CNNM1: variants seen among roughly 807,000 people sequenced by gnomAD.
CNNM1 encodes the protein cyclin and CBS domain divalent metal cation transport mediator 1.
A neutral mutation model predicts 78.8 loss-of-function variants in CNNM1; 44 were observed. The ratio of observed to expected loss-of-function variants is 0.56; its 90% CI spans 0.44 to 0.72. The LOEUF (loss-of-function observed/expected upper bound fraction) is 0.72. Among genes scored for constraint, CNNM1 ranks in the 30% least tolerant of loss-of-function variants. The pLI is 0.00. For missense variants in CNNM1, 1,101 were observed against 1,292.2 expected (o/e 0.85, Z 2.27); for synonymous variants, 584 against 581.5 (o/e 1.00, Z -0.06).
chr10:99,356,065 TCA>T lies in CNNM1; in HGVS notation c.1574-1444_1574-1443del, dbSNP rs1362137178. ...TAAAACAACAACTATTTTATTATGCTCACAGATTCTGTGAGTCAGGAATTCAA... is the reference window on the plus strand; with the variant it reads ...TAAAACAACAACTATTTTATTATGCTCAGATTCTGTGAGTCAGGAATTCAA... On this transcript the variant is annotated intron_variant, in intron 1 of 10. Coordinates refer to ENST00000356713, the MANE Select transcript of CNNM1 (RefSeq NM_020348.3). Among the ~76,000 whole-genome samples, 16 of 152,236 alleles carry T rather than the reference TCA, an allele frequency of 1.1e-4. No homozygotes were observed. The South Asian group carries it at 3.1e-3, about 30-fold the overall frequency.
At chr10:99,356,558 C>CAGAAAGAAAGAAAGAAAGAA (rs1355245134) in intron 1 of CNNM1, among the ~76,000 whole-genome samples, 15 of 45,800 alleles carry the variant, frequency 3.3e-4, no homozygotes, top group Non-Finnish European at 9.2e-4. Flanking sequence ...GACAGACAGA[C>CAGAAAGAAAGAAAGAAAGAA]AGACAGAAAG....
At chr10:99,356,264 T>G (rs1215865421) in intron 1 of CNNM1, among the ~76,000 whole-genome samples, 1 of 151,874 alleles carries the variant, frequency 6.6e-6, no homozygotes, top group African/African-American at 2.4e-5. Flanking sequence ...GACCATGAGG[T>G]CAAGAGATCG....
intron 1 of CNNM1, among the ~76,000 whole-genome samples, chr10:99,333,533 CAG>C (rs2030028020): frequency 6.6e-6 from 1 of 152,104 alleles, no homozygotes; most frequent in African/African-American, 2.4e-5. Context: ...TTAGTAGAGA[CAG>C]GGTTTCACCA....
chr10:99,371,894 C>G lies in CNNM1; in HGVS notation c.2177-5161C>G. On this transcript the variant is annotated intron_variant, in intron 6 of 10. Coordinates refer to ENST00000356713, the MANE Select transcript of CNNM1 (RefSeq NM_020348.3). ...TGGAGAACAGAGATGGCCCACGGCA[C>G]AATCACAGTCAGACCAAAGTAGGCC... Among the ~76,000 whole-genome samples, 2 of 152,154 alleles carry G rather than the reference C, an allele frequency of 1.3e-5. 1 individual carries two copies. The highest frequency in any genetic ancestry group is 1.3e-4 in the Admixed American group (2 of 15,276).
chr10:99,380,224 C>T (rs1447917823), intron 7 of CNNM1, among the ~76,000 whole-genome samples: 3 of 152,084 alleles, frequency 2.0e-5, no homozygotes, highest in Admixed American at 1.3e-4. Flanking sequence ...AATACCACTA[C>T]ATTGGGGTTA....
At chr10:99,351,499 G>A (rs1049282092) in intron 1 of CNNM1, among the ~76,000 whole-genome samples, 4 of 152,118 alleles carry the variant, frequency 2.6e-5, no homozygotes, top group Non-Finnish European at 5.9e-5. Context: ...TGGGATATTT[G>A]AGCGCCCACT....
intron 1 of CNNM1, among the ~76,000 whole-genome samples, chr10:99,340,327 T>G (rs1311941429): frequency 3.3e-5 from 5 of 152,234 alleles, no homozygotes; most frequent in Non-Finnish European, 5.9e-5. Context: ...GATTTAGTTA[T>G]CTTTCCCGGG....
chr10:99,388,346 C>T (rs940028498), intron 9 of CNNM1, 45 bp downstream of exon 9: 1 of 1,590,216 alleles, frequency 6.3e-7, no homozygotes, highest in Non-Finnish European at 8.6e-7. Context: ...GAGATCATTG[C>T]CTTTGGGCAC....
Position 99,330,375 on chromosome 10 carries a change from G to C in CNNM1, c.988G>C (p.Val330Leu). 1 of 1,597,056 alleles carries C rather than the reference G, an allele frequency of 6.3e-7. No individual in the cohort carries two copies. Among genetic ancestry groups the C allele is most frequent in the East Asian group, 2.3e-5 (1 of 44,078 alleles). ...CCACTTCCCGTGGCTGCCGGCGCTCGTGTGCACCGGCGCGGTATTCCTGGG... is the reference window on the plus strand; with the variant it reads ...CCACTTCCCGTGGCTGCCGGCGCTCCTGTGCACCGGCGCGGTATTCCTGGG... ...GIHFPWLPAL[V>L]CTGAVFLGAE... The change falls in exon 1 of 11, where the codon GTG (valine) becomes CTG (leucine). Residue 330 changes from valine to leucine, a missense_variant. Coordinates refer to ENST00000356713, the MANE Select transcript of CNNM1 (RefSeq NM_020348.3).
rs554177596 is a variant in CNNM1, at chr10:99,332,292, T to C, written c.1573+1332T>C. Among the ~76,000 whole-genome samples, 3 of 152,076 alleles carry C rather than the reference T, an allele frequency of 2.0e-5. No homozygotes were observed. In the East Asian group the frequency reaches 5.8e-4, roughly 29 times the overall value. ...GAAGGAGGCATTCATCTGATATGAG[T>C]TGGAATGTTTATTAAAAACAAAAAC... On this transcript the variant is annotated intron_variant, in intron 1 of 10. Transcript: ENST00000356713.
intron 6 of CNNM1, among the ~76,000 whole-genome samples, chr10:99,367,235 T>C (rs1295577091): frequency 6.6e-6 from 1 of 152,148 alleles, no homozygotes; most frequent in Non-Finnish European, 1.5e-5. Flanking sequence ...AATAAAATCT[T>C]GTAGGGTCTT....
Position 99,390,356 on chromosome 10 carries a change from T to C in CNNM1, c.2725T>C (p.Cys909Arg). ...CAACCTGGATACAGAGACCAGCCCC[T>C]GCAGTAGCGATTTTGAGGAAAACGT... ...NINLDTETSP[C>R]SSDFEENVGK... The change falls in exon 10 of 11, where the codon TGC (cysteine) becomes CGC (arginine). Residue 909 changes from cysteine (C) to arginine (R), a missense_variant. Cys to Arg is a radical substitution (Grantham distance 180). This residue lies in a region of CNNM1 where 348 missense variants were observed against 384.5 expected (regional missense o/e 0.90). Transcript: ENST00000356713. The C allele has an allele frequency of 6.2e-7, 1 of 1,613,352 alleles. No homozygotes were observed. The highest frequency in any genetic ancestry group is 8.5e-7 in the Non-Finnish European group (1 of 1,179,644).
At chr10:99,341,262 C>T (rs1274768980) in intron 1 of CNNM1, among the ~76,000 whole-genome samples, 2 of 152,044 alleles carry the variant, frequency 1.3e-5, no homozygotes, top group South Asian at 2.1e-4. Flanking sequence ...CCATGCTGGG[C>T]TCCTGGGCTG....
rs1255460181 is a variant in CNNM1 at position 99,370,772 on chromosome 10, G to A, written c.2176+5770G>A. 6.6e-5 allele frequency among the ~76,000 whole-genome samples: 10 copies of A among 152,168 alleles called. 1 individual carries two copies. Among genetic ancestry groups the A allele is most frequent in the Non-Finnish European group, 1.2e-4 (8 of 68,028 alleles). ...GCAAAATGTGCTAAGTGGAAATATT[G>A]ATTTCTGATCCAGATACATTAATTT... On this transcript the variant is annotated intron_variant, in intron 6 of 10. Coordinates refer to ENST00000356713, the MANE Select transcript of CNNM1 (RefSeq NM_020348.3).
chr10:99,329,404 C>T lies in CNNM1; in HGVS notation c.17C>T (p.Ala6Val). 2 of 838,778 alleles carry T rather than the reference C, an allele frequency of 2.4e-6. No homozygotes were observed. The highest frequency in any genetic ancestry group is 3.9e-5 in the South Asian group (2 of 51,714). The allele number at this position is 838,778 out of a possible 1,614,324, so 52.0% of individuals were successfully genotyped here. A position where few individuals can be genotyped will look rare whatever the true frequency, so the allele number is the denominator to read the frequency against. MAAAA[A>V]AAAAVGVRLR... is the part of the protein sequence containing the mutation. ...GGGTGCAGGATGGCGGCGGCCGCGG[C>T]GGCGGCAGCAGCGGTGGGTGTCAGG... Residue 6 changes from alanine to valine, a missense_variant, in exon 1 of 11, where the codon GCG (alanine) becomes GTG (valine). This residue lies in a region of CNNM1 where 476 missense variants were observed against 484.5 expected (regional missense o/e 0.98). Transcript: ENST00000356713.
intron 1 of CNNM1, among the ~76,000 whole-genome samples, chr10:99,351,198 C>A (rs569643621): frequency 6.6e-6 from 1 of 152,296 alleles, no homozygotes; most frequent in South Asian, 2.1e-4. Context: ...CTAATTTGAC[C>A]TTCAGTAATG....
chr10:99,357,994 GT>G (rs1320267026), intron 2 of CNNM1, among the ~76,000 whole-genome samples: 28 of 152,252 alleles, frequency 1.8e-4, no homozygotes, highest in African/African-American at 6.7e-4. Flanking sequence ...CCTTGTTTCT[GT>G]CCCCTGTGTT....
In CNNM1 at chr10:99,341,200, G is replaced by A. The variant is rs1176195724; in HGVS notation, c.1573+10240G>A. Among the ~76,000 whole-genome samples, 14 of 152,048 alleles carry A rather than the reference G, an allele frequency of 9.2e-5. No homozygotes were observed. In the East Asian group the frequency reaches 2.5e-3, roughly 27 times the overall value. On this transcript the variant is annotated intron_variant, in intron 1 of 10. Transcript: ENST00000356713. ...GTTCATCAGAGGAAGAGCTTCCCAG[G>A]AGACAGGAACAGACATGCAAAGGCC...
chr10:99,334,144 T>TA (rs1342324315), intron 1 of CNNM1, among the ~76,000 whole-genome samples: 1 of 152,254 alleles, frequency 6.6e-6, no homozygotes, highest in Non-Finnish European at 1.5e-5. Context: ...GGCTCCTATG[T>TA]AACATTAAAG....
Sources: gnomAD v4.1 joint callset for allele counts (sites outside exome capture counted in the v4.1 genomes callset) on GRCh38, gnomAD v4.1.1 for gene constraint, gnomAD v4.1.1 regional missense constraint, MANE v1.5 for transcripts, NCBI Gene and HGNC (gene_info 2026-07-23, HGNC 2026-07-21) for gene names.